Variants in FBXW8 observed in about 807,000 individuals in gnomAD.
FBXW8 encodes the protein F-box/WD repeat-containing protein 8.
Under a neutral mutation model 65.3 loss-of-function variants are expected in FBXW8, and 57 were observed. The ratio of observed to expected loss-of-function variants is 0.87; its 90% CI spans 0.71 to 1.09. The LOEUF is 1.09. FBXW8 is among the 50% of genes least tolerant of loss of function. FBXW8 has a pLI of 0.00. For missense variants in FBXW8, 777 were observed against 814.8 expected, an observed-to-expected ratio of 0.95 and a Z score of 0.57; for synonymous variants, 308 against 330.2, an observed-to-expected ratio of 0.93 and a Z score of 0.73.
intron 7 of FBXW8, chr12:117,003,244 A>G (rs1328365590): frequency 6.6e-6 from 1 of 152,256 alleles, no homozygotes; most frequent in Non-Finnish European, 1.5e-5. Context: ...ACACGCAGAC[A>G]TGTACAGTGT....
At chr12:116,949,783 G>GT (rs1883161018) in intron 4 of FBXW8, 77 bp downstream of exon 4, 2 of 1,329,408 alleles carry the variant, frequency 1.5e-6, no homozygotes, top group African/African-American at 2.9e-5. Flanking sequence ...CTGAGTACCA[G>GT]TGACCTTAGC....
chr12:116,989,915 A>G (rs1324917145), intron 7 of FBXW8, among the ~76,000 whole-genome samples: 2 of 152,250 alleles, frequency 1.3e-5, no homozygotes, highest in Non-Finnish European at 2.9e-5. Flanking sequence ...ATGAAAAGCC[A>G]TATGTAAAGC....
chr12:116,985,313 GCCACAGC>G lies in FBXW8; in HGVS notation c.944_950del (p.Ala315ValfsTer7). The G allele has an allele frequency of 1.9e-6, 3 of 1,614,196 alleles. No homozygotes were observed. Among genetic ancestry groups the G allele is most frequent in the East Asian group, 4.5e-5 (2 of 44,882 alleles). On this transcript the variant is annotated frameshift_variant, in exon 6 of 11. Coordinates refer to ENST00000652555, the MANE Select transcript of FBXW8 (RefSeq NM_153348.3). LOFTEE classifies it high-confidence loss of function. The stretch of plus-strand genomic sequence containing the variant: ...CCTCAGCCAGGACGATGCAACCGTG[GCCACAGC>G]TTCTGCTTTTGATGTCGTGATGTTA...
intron 9 of FBXW8, among the ~76,000 whole-genome samples, chr12:117,025,016 T>TGC (rs1203880484): frequency 1.3e-5 from 2 of 152,286 alleles, no homozygotes; most frequent in Non-Finnish European, 2.9e-5. Flanking sequence ...CCAGTGAGCC[T>TGC]GCTTCTGACC....
intron 8 of FBXW8, among the ~76,000 whole-genome samples, chr12:117,011,739 G>C (rs558499656): frequency 2.0e-5 from 3 of 152,262 alleles, no homozygotes; most frequent in African/African-American, 7.2e-5. Context: ...CTTTGGGATG[G>C]TGGATGGTGC....
At chr12:116,981,272 TC>T (rs1885286283) in intron 5 of FBXW8, among the ~76,000 whole-genome samples, 1 of 152,254 alleles carries the variant, frequency 6.6e-6, no homozygotes, top group African/African-American at 2.4e-5. Context: ...AGCTTCTGTA[TC>T]TATTCCTGCC....
chr12:116,951,675 C>G (rs1883295002), intron 4 of FBXW8, among the ~76,000 whole-genome samples: 1 of 152,198 alleles, frequency 6.6e-6, no homozygotes, highest in Admixed American at 6.5e-5. Flanking sequence ...ATCTCTTCTT[C>G]TCACCTTTTC....
At chr12:117,011,991 G>T (rs1167613868) in intron 8 of FBXW8, among the ~76,000 whole-genome samples, 1 of 152,168 alleles carries the variant, frequency 6.6e-6, no homozygotes, top group Non-Finnish European at 1.5e-5. Flanking sequence ...TCTAGAGATG[G>T]TTTTTAATGG....
chr12:117,000,579 C>T (rs939403917), intron 7 of FBXW8, among the ~76,000 whole-genome samples: 1 of 152,182 alleles, frequency 6.6e-6, no homozygotes, highest in Non-Finnish European at 1.5e-5. Flanking sequence ...CCCAGAGCAG[C>T]GGAGGCTGCT....
intron 5 of FBXW8, among the ~76,000 whole-genome samples, chr12:116,966,374 A>G (rs1242325168): frequency 6.6e-6 from 1 of 152,222 alleles, no homozygotes; most frequent in Non-Finnish European, 1.5e-5. Context: ...CCATTCACAC[A>G]CACGAACATG....
chr12:116,911,645 G>T (rs952696978), intron 1 of FBXW8, among the ~76,000 whole-genome samples: 3 of 152,076 alleles, frequency 2.0e-5, no homozygotes, highest in African/African-American at 4.8e-5. Flanking sequence ...AGAGGCCAGA[G>T]ATGCTCCTGA....
intron 7 of FBXW8, among the ~76,000 whole-genome samples, chr12:116,992,891 A>G (rs928388202): frequency 4.6e-5 from 7 of 151,878 alleles, no homozygotes; most frequent in African/African-American, 1.5e-4. Flanking sequence ...ACATATGTGT[A>G]CAGGTGTCTT....
rs760460414 is a variant in FBXW8 at position 116,985,197 on chromosome 12, G to A, written c.836-9G>A. 4 of 1,570,750 alleles carry A rather than the reference G, an allele frequency of 2.5e-6. No individual in the cohort carries two copies. The highest frequency in any genetic ancestry group is 3.4e-6 in the Non-Finnish European group (4 of 1,160,902). ...AAAATTGTTACCTGCATTGTTTCTT[G>A]CTGCATAGGGTTTCTTAATATTTGG... On this transcript the variant is annotated splice_polypyrimidine_tract_variant and intron_variant, in intron 5 of 10. Coordinates refer to ENST00000652555, the MANE Select transcript of FBXW8 (RefSeq NM_153348.3).
intron 10 of FBXW8, 70 bp downstream of exon 10, chr12:117,027,574 G>A (rs982414963): frequency 2.1e-4 from 237 of 1,146,038 alleles, no homozygotes; most frequent in Non-Finnish European, 2.9e-4. Context: ...CACCCCCCCC[G>A]CCGTGACACA....
chr12:116,911,655 A>G (rs1879954581), intron 1 of FBXW8, among the ~76,000 whole-genome samples: 1 of 152,070 alleles, frequency 6.6e-6, no homozygotes, highest in South Asian at 2.1e-4. Flanking sequence ...GATGCTCCTG[A>G]ACATCCTACA....
chr12:116,993,989 C>T (rs1299731172), intron 7 of FBXW8, among the ~76,000 whole-genome samples: 3 of 152,046 alleles, frequency 2.0e-5, no homozygotes, highest in South Asian at 2.1e-4. Flanking sequence ...TTGGGTGTCC[C>T]GTCCTCAGTG....
intron 8 of FBXW8, among the ~76,000 whole-genome samples, chr12:117,012,177 A>G (rs1953836039): frequency 6.9e-6 from 1 of 145,652 alleles, no homozygotes; most frequent in African/African-American, 2.7e-5. Flanking sequence ...CTGCCTCATT[A>G]TGTACGCACT....
chr12:117,021,243 G>A (rs973523291), intron 8 of FBXW8, among the ~76,000 whole-genome samples: 10 of 152,148 alleles, frequency 6.6e-5, no homozygotes, highest in Admixed American at 6.5e-5. Flanking sequence ...TCTTACACAT[G>A]TTTAAAAGCC....
intron 5 of FBXW8, among the ~76,000 whole-genome samples, chr12:116,984,956 C>T (rs1238565523): frequency 2.6e-5 from 4 of 152,298 alleles, no homozygotes; most frequent in East Asian, 3.9e-4. Context: ...CACCACTGCA[C>T]TCCAGCCTGG....
Sources: allele counts gnomAD v4.1 joint callset (sites outside exome capture counted in the v4.1 genomes callset), GRCh38; gene constraint gnomAD v4.1.1; transcripts MANE v1.5; gene names NCBI Gene and HGNC (gene_info 2026-07-23, HGNC 2026-07-21).